GPC6: variants seen among roughly 807,000 people sequenced by gnomAD.
GPC6 encodes the protein glypican-6.
Under a neutral mutation model 55.2 loss-of-function variants are expected in GPC6, and 14 were observed. The observed-to-expected ratio is 0.25, with a 90% CI of 0.17 to 0.40. GPC6 has a LOEUF of 0.40. Ranked by LOEUF, GPC6 falls within the 10% of genes least tolerant of loss-of-function variation. GPC6 has a pLI of 1.00. For synonymous variants in GPC6, 278 were observed against 259.6 expected (o/e 1.07, Z -0.68); for missense variants, 641 against 708.5 (o/e 0.90, Z 1.08).
In GPC6 at chr13:93,520,352, G is replaced by A. The variant is rs534958126; in HGVS notation, c.161-24911G>A. ...GGCTTGTTATTGACCATTAGCATGT[G>A]AGTTACAGATTCCTTAAATTCTTTG... On this transcript the variant is annotated intron_variant, in intron 1 of 8. Transcript: ENST00000377047. 1.7e-3 allele frequency among the ~76,000 whole-genome samples: 259 copies of A among 152,016 alleles called. 1 individual carries two copies. The highest frequency in any genetic ancestry group is 6.0e-3 in the African/African-American group (249 of 41,496).
intron 4 of GPC6, among the ~76,000 whole-genome samples, chr13:94,116,214 A>AG (rs1886423692): frequency 6.6e-6 from 1 of 152,050 alleles, no homozygotes; most frequent in South Asian, 2.1e-4. Context: ...CATGTATCTT[A>AG]ACTCCTTTAA....
At chr13:93,387,873 C>A (rs1445438193) in intron 1 of GPC6, among the ~76,000 whole-genome samples, 1 of 151,964 alleles carries the variant, frequency 6.6e-6, no homozygotes, top group Non-Finnish European at 1.5e-5. Flanking sequence ...AGAATGTTTG[C>A]CTTTTATGTA....
intron 6 of GPC6, among the ~76,000 whole-genome samples, chr13:94,333,811 T>C (rs1010991637): frequency 2.0e-5 from 3 of 152,120 alleles, no homozygotes; most frequent in African/African-American, 7.2e-5. Context: ...TGCTCATGTG[T>C]AGGGGAGCAT....
chr13:93,884,376 T>C (rs955863627), intron 3 of GPC6, among the ~76,000 whole-genome samples: 7 of 152,100 alleles, frequency 4.6e-5, no homozygotes, highest in African/African-American at 1.7e-4. Flanking sequence ...TTTGTATCCT[T>C]ACCATAATGC....
chr13:94,288,773 ATTTG>A (rs1874696800), intron 5 of GPC6, among the ~76,000 whole-genome samples: 1 of 108,882 alleles, frequency 9.2e-6, no homozygotes, highest in Non-Finnish European at 1.8e-5. Context: ...ATATATATAT[ATTTG>A]TTATATATAT....
intron 5 of GPC6, among the ~76,000 whole-genome samples, chr13:94,295,880 T>A (rs972757732): frequency 3.3e-5 from 5 of 152,150 alleles, no homozygotes; most frequent in African/African-American, 4.8e-5. Flanking sequence ...TCTCAATGAT[T>A]TCTAAATTCA....
chr13:94,326,989 T>A (rs1877154863), intron 6 of GPC6, among the ~76,000 whole-genome samples: 1 of 152,186 alleles, frequency 6.6e-6, no homozygotes, highest in South Asian at 2.1e-4. Context: ...TTATCAACAA[T>A]AACGTTCTCA....
chr13:94,127,876 C>G (rs544692924), intron 4 of GPC6, among the ~76,000 whole-genome samples: 90 of 152,120 alleles, frequency 5.9e-4, no homozygotes, highest in African/African-American at 2.0e-3. Flanking sequence ...CCTGAATGTT[C>G]CTATCTGCTA....
At chr13:93,228,742 A>G (rs1229995054) in intron 1 of GPC6, among the ~76,000 whole-genome samples, 1 of 152,224 alleles carries the variant, frequency 6.6e-6, no homozygotes, top group African/African-American at 2.4e-5. Context: ...TAGTGACCTC[A>G]GATCGTCAAG....
intron 1 of GPC6, among the ~76,000 whole-genome samples, chr13:93,370,533 A>C (rs1881411344): frequency 6.6e-6 from 1 of 152,144 alleles, no homozygotes; most frequent in Admixed American, 6.6e-5. Context: ...TTAAATAATC[A>C]GAAATCTAGA....
Position 93,630,223 on chromosome 13 carries a change from A to G in GPC6, c.319+84802A>G, listed in dbSNP as rs72641671. ...GTATTAGGCATATCTTCTCAGTTCA[A>G]TAATTCTCAACAGATCCTAACATGG... On this transcript the variant is annotated intron_variant, in intron 2 of 8. Coordinates refer to ENST00000377047, the MANE Select transcript of GPC6 (RefSeq NM_005708.5). Among the ~76,000 whole-genome samples, 1,421 of 152,288 alleles carry G rather than the reference A, an allele frequency of 9.3e-3. 8 individuals carry two copies. The highest frequency in any genetic ancestry group is 0.024 in the Middle Eastern group (7 of 294).
chr13:94,216,175 T>C (rs1343478015), intron 4 of GPC6, among the ~76,000 whole-genome samples: 2 of 152,212 alleles, frequency 1.3e-5, no homozygotes, highest in Admixed American at 6.6e-5. Context: ...AGCTAAGAAA[T>C]CTTTTGTTTT....
Position 93,227,376 on chromosome 13 carries a change from C to A in GPC6, c.-81C>A. On this transcript the variant is annotated 5_prime_UTR_variant, in exon 1 of 9. It adds an upstream start codon to the 5' untranslated region. Transcript: ENST00000377047. This position sits in a 1 kb window ranked among gnomAD's most constrained non-coding sequence, Gnocchi z 4.3. ...AGCGGCGAGGAGCGCGCCGCTGCCT[C>A]TGGCGGGCTTTCGGCTTGAGGGGCA... is the stretch of plus-strand genomic sequence containing the variant. 6.9e-7 allele frequency: 1 copy of A among 1,454,378 alleles called. No individual in the cohort carries two copies. Among genetic ancestry groups the A allele is most frequent in the Non-Finnish European group, 9.5e-7 (1 of 1,052,078 alleles). The allele number at this position is 1,454,378 out of a possible 1,614,324, so 90.1% of individuals were successfully genotyped here.
chr13:93,790,018 G>A (rs779642109), intron 2 of GPC6, among the ~76,000 whole-genome samples: 3 of 151,812 alleles, frequency 2.0e-5, no homozygotes, highest in Non-Finnish European at 2.9e-5. Context: ...TTATAAAATC[G>A]GTCAATTGAA....
intron 1 of GPC6, among the ~76,000 whole-genome samples, chr13:93,402,203 C>T (rs1489304136): frequency 6.6e-6 from 1 of 152,110 alleles, no homozygotes; most frequent in Non-Finnish European, 1.5e-5. Flanking sequence ...ATGTATGGAA[C>T]CTGGGTCTTC....
At chr13:93,812,289 TG>T (rs1441960764) in intron 2 of GPC6, among the ~76,000 whole-genome samples, 1 of 151,792 alleles carries the variant, frequency 6.6e-6, no homozygotes, top group Non-Finnish European at 1.5e-5. Context: ...CTTGGGAGGC[TG>T]AGGCAGATTT....
chr13:93,523,515 G>A (rs1363524919), intron 1 of GPC6, among the ~76,000 whole-genome samples: 1 of 151,704 alleles, frequency 6.6e-6, no homozygotes, highest in Non-Finnish European at 1.5e-5. Context: ...ATATTTGTGT[G>A]TGTGTGTGTG....
intron 2 of GPC6, among the ~76,000 whole-genome samples, chr13:93,600,015 T>C (rs760149092): frequency 3.9e-5 from 6 of 152,202 alleles, no homozygotes; most frequent in Non-Finnish European, 7.3e-5. Flanking sequence ...CTTTAGAAGA[T>C]TGAACTTCCA....
chr13:94,018,992 A>G (rs973759109), intron 3 of GPC6, among the ~76,000 whole-genome samples: 5 of 152,136 alleles, frequency 3.3e-5, no homozygotes, highest in African/African-American at 1.2e-4. Context: ...ACTTGTGCCA[A>G]AAGGGTTGGA....
Sources: gnomAD v4.1 joint callset for allele counts (sites outside exome capture counted in the v4.1 genomes callset) on GRCh38, gnomAD v4.1.1 for gene constraint, Gnocchi (gnomAD v3.1) non-coding constraint, MANE v1.5 for transcripts, NCBI Gene and HGNC (gene_info 2026-07-23, HGNC 2026-07-21) for gene names.